Variants in FHIT observed in about 807,000 individuals in gnomAD.
FHIT encodes fragile histidine triad diadenosine triphosphatase.
Under a neutral mutation model 17.9 loss-of-function variants are expected in FHIT, and 19 were observed. The observed-to-expected ratio is 1.06, with a 90% CI of 0.74 to 1.56. The LOEUF (loss-of-function observed/expected upper bound fraction) is 1.56, where lower values mean the gene tolerates loss of function less well. Among genes scored for constraint, FHIT ranks in the 40% most tolerant of loss-of-function variants. The pLI is 0.00. For synonymous variants in FHIT, 81 were observed against 69.7 expected (o/e 1.16, Z -0.81); for missense variants, 248 against 189.2 (o/e 1.31, Z -1.82).
intron 5 of FHIT, among the ~76,000 whole-genome samples, chr3:60,086,648 C>T (rs1396959400): frequency 1.3e-5 from 2 of 152,212 alleles, no homozygotes; most frequent in African/African-American, 2.4e-5. Flanking sequence ...CTGTGCAAGT[C>T]TGAAACTTAG....
intron 5 of FHIT, among the ~76,000 whole-genome samples, chr3:60,150,027 TA>T (rs11337847): frequency 1 from 135,298 of 135,304 alleles, 67,646 homozygotes; most frequent in Non-Finnish European, 1. Flanking sequence ...CAAGTTTTGC[TA>T]CTTGTTGCCC....
chr3:60,385,108 A>C (rs1034841669), intron 5 of FHIT, among the ~76,000 whole-genome samples: 1 of 152,220 alleles, frequency 6.6e-6, no homozygotes, highest in Non-Finnish European at 1.5e-5. Flanking sequence ...TTGCTATATA[A>C]CCATAACCTC....
intron 8 of FHIT, among the ~76,000 whole-genome samples, chr3:59,878,547 G>A (rs1483256588): frequency 6.6e-6 from 1 of 152,142 alleles, no homozygotes; most frequent in Non-Finnish European, 1.5e-5. Flanking sequence ...ACCCCAAAGT[G>A]GGATTCTTTC....
intron 5 of FHIT, among the ~76,000 whole-genome samples, chr3:60,115,204 C>T (rs1704901051): frequency 6.6e-6 from 1 of 151,928 alleles, no homozygotes; most frequent in African/African-American, 2.4e-5. Flanking sequence ...ACTTTCAGCT[C>T]CCCAAAGCCA....
At chr3:61,247,795 T>C (rs1185287512) in intron 1 of FHIT, among the ~76,000 whole-genome samples, 2 of 152,236 alleles carry the variant, frequency 1.3e-5, no homozygotes, top group Admixed American at 6.5e-5. Flanking sequence ...ATTATATTTA[T>C]CTATTGACTG....
intron 5 of FHIT, among the ~76,000 whole-genome samples, chr3:60,073,400 G>C (rs1375507615): frequency 1.3e-5 from 2 of 152,044 alleles, no homozygotes; most frequent in Non-Finnish European, 2.9e-5. Context: ...TGACAGCTCT[G>C]TATCTATCAC....
intron 4 of FHIT, among the ~76,000 whole-genome samples, chr3:60,630,482 A>G (rs2039409676): frequency 6.6e-6 from 1 of 152,236 alleles, no homozygotes; most frequent in Non-Finnish European, 1.5e-5. Context: ...TAAGGGGACC[A>G]TGTCTAGAAG....
chr3:60,086,410 C>T (rs534664242), intron 5 of FHIT, among the ~76,000 whole-genome samples: 7 of 152,270 alleles, frequency 4.6e-5, no homozygotes, highest in African/African-American at 1.7e-4. Context: ...ATGTGAAATA[C>T]AATTGTTTCA....
At chr3:60,238,596 G>T (rs183328271) in intron 5 of FHIT, among the ~76,000 whole-genome samples, 127 of 152,212 alleles carry the variant, frequency 8.3e-4, no homozygotes, top group African/African-American at 2.9e-3. Context: ...CATGAGAATG[G>T]TACTTTAAAG....
At chr3:60,776,429 A>T (rs1308511963) in intron 4 of FHIT, among the ~76,000 whole-genome samples, 2 of 152,254 alleles carry the variant, frequency 1.3e-5, no homozygotes, top group African/African-American at 2.4e-5. Flanking sequence ...TTTAATCTTT[A>T]AGAAATAGAA....
At chr3:60,444,208 G>GGAT (rs1390186255) in intron 5 of FHIT, among the ~76,000 whole-genome samples, 1 of 152,164 alleles carries the variant, frequency 6.6e-6, no homozygotes, top group Non-Finnish European at 1.5e-5. Context: ...GTGCTGGAGA[G>GGAT]GATGTGGAGA....
rs149737071 is a variant in FHIT at position 61,097,522 on chromosome 3, G to A, written c.-163-55423C>T. On this transcript the variant is annotated intron_variant, in intron 2 of 9. Transcript: ENST00000492590. ...TCTGCTTTTAGGTCTTTAAGGAATC[G>A]TCACACTGTCTTCCACAATGGTTGA... Among the ~76,000 whole-genome samples the A allele has an allele frequency of 5.3e-5, 8 of 152,198 alleles. No individual in the cohort carries two copies. In the East Asian group the frequency reaches 1.4e-3, roughly 26 times the overall value.
At chr3:59,913,957 A>C (rs17366548) in intron 8 of FHIT, among the ~76,000 whole-genome samples, 9 of 152,154 alleles carry the variant, frequency 5.9e-5, no homozygotes, top group Middle Eastern at 3.4e-3. Flanking sequence ...GGGGAAGGTC[A>C]TAACAGTCTC....
chr3:60,714,304 A>C (rs2041621339), intron 4 of FHIT, among the ~76,000 whole-genome samples: 1 of 152,124 alleles, frequency 6.6e-6, no homozygotes, highest in Non-Finnish European at 1.5e-5. Context: ...AGAGCTATCT[A>C]TGACAAACCC....
chr3:60,869,312 T>C (rs192541083), intron 3 of FHIT, among the ~76,000 whole-genome samples: 1 of 152,202 alleles, frequency 6.6e-6, no homozygotes, highest in Admixed American at 6.5e-5. Context: ...TAGGTTAAAA[T>C]TGAAGGGGCA....
chr3:60,111,269 T>C (rs938794112), intron 5 of FHIT, among the ~76,000 whole-genome samples: 1 of 152,218 alleles, frequency 6.6e-6, no homozygotes, highest in East Asian at 1.9e-4. Context: ...TATATAAGGA[T>C]ACAGTCCTGT....
chr3:60,935,023 A>C (rs1318160505), intron 3 of FHIT, among the ~76,000 whole-genome samples: 2 of 152,142 alleles, frequency 1.3e-5, no homozygotes, highest in African/African-American at 2.4e-5. Flanking sequence ...GCCTTCCCCA[A>C]ACCTCCTAGT....
At chr3:60,554,322 G>A (rs1304471986) in intron 4 of FHIT, among the ~76,000 whole-genome samples, 1 of 151,774 alleles carries the variant, frequency 6.6e-6, no homozygotes, top group African/African-American at 2.4e-5. Context: ...GAACTTACAT[G>A]TTTAAATACA....
chr3:60,665,496 G>A lies in FHIT; in HGVS notation c.-17-128517C>T, dbSNP rs146674614. ...CATAAGATCATTTTGTCTTCCAGGT[G>A]GATCCATTCTTTTATCATTATATAA... On this transcript the variant is annotated intron_variant, in intron 4 of 9. Transcript: ENST00000492590. Among the ~76,000 whole-genome samples, 6 of 151,976 alleles carry A rather than the reference G, an allele frequency of 3.9e-5. No individual in the cohort carries two copies. The East Asian group carries it at 1.2e-3, about 29-fold the overall frequency.
Sources: gnomAD v4.1 joint callset for allele counts (sites outside exome capture counted in the v4.1 genomes callset) on GRCh38, gnomAD v4.1.1 for gene constraint, MANE v1.5 for transcripts, NCBI Gene and HGNC (gene_info 2026-07-23, HGNC 2026-07-21) for gene names.